Variants in FOXN2 observed in about 807,000 individuals in gnomAD.
FOXN2 encodes the protein forkhead box N2.
FOXN2 carries 19 observed loss-of-function variants against 41.2 expected under a neutral mutation model. The observed-to-expected ratio is 0.46, with a 90% CI of 0.32 to 0.68. The LOEUF is 0.68. FOXN2 is among the 30% of genes least tolerant of loss of function. FOXN2 has a pLI of 0.03. For missense variants in FOXN2, 587 were observed against 509.4 expected, an observed-to-expected ratio of 1.15 and a Z score of -1.47; for synonymous variants, 195 against 176.8, an observed-to-expected ratio of 1.10 and a Z score of -0.82.
At chr2:48,335,551 A>T (rs1217391833) in intron 2 of FOXN2, among the ~76,000 whole-genome samples, 1 of 151,846 alleles carries the variant, frequency 6.6e-6, no homozygotes, top group Admixed American at 6.6e-5. Flanking sequence ...AGAATTCTAT[A>T]GCAAAAACAT....
chr2:48,338,546 C>T (rs1367946154), intron 2 of FOXN2, among the ~76,000 whole-genome samples: 7 of 152,032 alleles, frequency 4.6e-5, no homozygotes, highest in African/African-American at 9.7e-5. Flanking sequence ...GGACCACAGC[C>T]GCTCGCCACC....
chr2:48,364,222 TTTTA>T (rs572021836), intron 5 of FOXN2, among the ~76,000 whole-genome samples: 21 of 152,114 alleles, frequency 1.4e-4, no homozygotes, highest in Admixed American at 8.5e-4. Flanking sequence ...AATATTTTAT[TTTTA>T]TTTATTTATT....
chr2:48,333,872 C>CACCCCAACACA (rs1670173470), intron 2 of FOXN2, among the ~76,000 whole-genome samples: 1 of 151,986 alleles, frequency 6.6e-6, no homozygotes, highest in East Asian at 1.9e-4. Flanking sequence ...TTGCCTCAGA[C>CACCCCAACACA]TTCACTAGGA....
chr2:48,358,673 A>G (rs140923565), intron 3 of FOXN2, among the ~76,000 whole-genome samples: 1,890 of 152,334 alleles, frequency 0.012, 34 homozygotes, highest in African/African-American at 0.041. Context: ...ATCATAGAAG[A>G]TTTGATACAC....
intron 3 of FOXN2, among the ~76,000 whole-genome samples, chr2:48,357,713 G>T (rs1671895097): frequency 6.6e-6 from 1 of 151,948 alleles, no homozygotes; most frequent in Admixed American, 6.6e-5. Context: ...TAGGATTACA[G>T]ACGTGAGCCA....
intron 3 of FOXN2, among the ~76,000 whole-genome samples, chr2:48,358,261 C>G (rs1022999256): frequency 6.6e-6 from 1 of 151,112 alleles, no homozygotes; most frequent in African/African-American, 2.4e-5. Flanking sequence ...GCAACCCTTA[C>G]GTACGTCAGT....
intron 6 of FOXN2, 45 bp downstream of exon 6, chr2:48,373,405 C>A: frequency 9.3e-7 from 1 of 1,079,844 alleles, no homozygotes; most frequent in Non-Finnish European, 1.4e-6. Context: ...AGTGCCTTTT[C>A]AAATTTAACC....
chr2:48,326,159 C>G (rs1244263200), intron 1 of FOXN2, among the ~76,000 whole-genome samples: 1 of 152,106 alleles, frequency 6.6e-6, no homozygotes, highest in Non-Finnish European at 1.5e-5. Flanking sequence ...CTTCTTCTCC[C>G]AAGATCTCCA....
At chr2:48,365,982 G>A (rs1388785215) in intron 5 of FOXN2, among the ~76,000 whole-genome samples, 2 of 152,158 alleles carry the variant, frequency 1.3e-5, no homozygotes. Context: ...TAATACTGTT[G>A]AGCCAGACTC....
chr2:48,335,381 C>A (rs1158713120), intron 2 of FOXN2, among the ~76,000 whole-genome samples: 1 of 151,784 alleles, frequency 6.6e-6, no homozygotes, highest in Non-Finnish European at 1.5e-5. Context: ...AAATTTAGAC[C>A]ACAAGATAGA....
At chr2:48,333,914 C>G (rs1325547380) in intron 2 of FOXN2, among the ~76,000 whole-genome samples, 3 of 151,900 alleles carry the variant, frequency 2.0e-5, no homozygotes, top group Non-Finnish European at 4.4e-5. Flanking sequence ...TGTATGTCAC[C>G]TTTCTGAAAT....
intron 2 of FOXN2, 148 bp downstream of exon 2, chr2:48,328,850 A>C (rs900722965): frequency 1.3e-5 from 2 of 151,998 alleles, no homozygotes; most frequent in African/African-American, 4.8e-5. Flanking sequence ...AGTCAGATTT[A>C]CTCTAAGAGC....
rs1312768169 is a variant in FOXN2 at position 48,373,324 on chromosome 2, C to A, written c.736C>A (p.Leu246Ile). The A allele has an allele frequency of 4.4e-6, 7 of 1,590,584 alleles. No individual in the cohort carries two copies. The highest frequency in any genetic ancestry group is 6.0e-6 in the Non-Finnish European group (7 of 1,170,394). Residue 246 changes from leucine (L) to isoleucine (I), a missense_variant, in exon 6 of 7, where the codon CTT becomes ATT. Leu to Ile is a conservative substitution (Grantham distance 5). Transcript: ENST00000340553. The part of the protein sequence containing the change: ...SDIDAAAAMM[L>I]LNTSIEQGIL... ...TATTGATGCTGCTGCTGCAATGATG[C>A]TTTTAAATACTTCTATAGAACAAGG...
chr2:48,335,029 T>C lies in FOXN2; in HGVS notation c.-15+6327T>C, dbSNP rs538234641. 2.6e-5 allele frequency among the ~76,000 whole-genome samples: 4 copies of C among 152,258 alleles called. No homozygotes were observed. In the South Asian group the frequency reaches 8.3e-4, roughly 32 times the overall value. On this transcript the variant is annotated intron_variant, in intron 2 of 6. Coordinates refer to ENST00000340553, the MANE Select transcript of FOXN2 (RefSeq NM_002158.4). The stretch of plus-strand genomic sequence containing the variant: ...CAAGGGCCTGATAAAACCTAACATA[T>C]AATCATCATTATCAAAGAATTCCCA...
At chr2:48,315,358 C>T (rs566378515) in intron 1 of FOXN2, among the ~76,000 whole-genome samples, 148 of 152,224 alleles carry the variant, frequency 9.7e-4, no homozygotes, top group African/African-American at 3.4e-3. Flanking sequence ...CGGGGAGGTG[C>T]CGGGGGCGGC....
At chr2:48,357,251 A>T (rs1397586979) in intron 3 of FOXN2, among the ~76,000 whole-genome samples, 4 of 152,152 alleles carry the variant, frequency 2.6e-5, no homozygotes, top group African/African-American at 9.7e-5. Flanking sequence ...CCAATTTGCT[A>T]TTTCAAGGAA....
intron 3 of FOXN2, among the ~76,000 whole-genome samples, chr2:48,355,913 A>G (rs1003771776): frequency 7.9e-5 from 12 of 152,278 alleles, no homozygotes; most frequent in Non-Finnish European, 1.3e-4. Context: ...TTAAAATTAT[A>G]TATGGTTGTC....
chr2:48,359,153 G>T lies in FOXN2; in HGVS notation c.638+6G>T. The T allele has an allele frequency of 6.2e-7, 1 of 1,602,792 alleles. No individual in the cohort carries two copies. The highest frequency in any genetic ancestry group is 8.5e-7 in the Non-Finnish European group (1 of 1,169,940). On this transcript the variant is annotated splice_donor_region_variant and intron_variant, in intron 4 of 6. Transcript: ENST00000340553. Reference sequence around the variant, plus strand: ...TCTTCAGCATCTTCACAAAAGTAAGGATCTTCCATATAACTGTCAGTGGTG... The same window carrying T: ...TCTTCAGCATCTTCACAAAAGTAAGTATCTTCCATATAACTGTCAGTGGTG...
chr2:48,351,926 A>G (rs1287706738), intron 3 of FOXN2, among the ~76,000 whole-genome samples: 2 of 152,236 alleles, frequency 1.3e-5, no homozygotes, highest in East Asian at 3.8e-4. Context: ...GGGCAATAGT[A>G]TATTCTGCTG....
Sources: gnomAD v4.1 joint callset for allele counts (sites outside exome capture counted in the v4.1 genomes callset) on GRCh38, gnomAD v4.1.1 for gene constraint, MANE v1.5 for transcripts, NCBI Gene and HGNC (gene_info 2026-07-23, HGNC 2026-07-21) for gene names.